GPC6: variants seen among roughly 807,000 people sequenced by gnomAD.
The protein encoded by GPC6 is glypican-6.
GPC6 carries 14 observed loss-of-function variants against 55.2 expected under a neutral mutation model. That is an observed-to-expected ratio of 0.25 (90% confidence interval 0.17 to 0.40). The LOEUF (loss-of-function observed/expected upper bound fraction) is 0.40. GPC6 is among the 10% of genes least tolerant of loss of function. GPC6 has a pLI of 1.00. For missense variants in GPC6, 641 were observed against 708.5 expected, an observed-to-expected ratio of 0.90 and a Z score of 1.08; for synonymous variants, 278 against 259.6, an observed-to-expected ratio of 1.07 and a Z score of -0.68.
rs1366676864 is a variant in GPC6 at position 93,493,661 on chromosome 13, G to A, written c.161-51602G>A. On this transcript the variant is annotated intron_variant, in intron 1 of 8. Transcript: ENST00000377047. ...TCCTGCTTTCTCTTGTGGGCATTTA[G>A]TGCTATAAATTTCCCTCTACACACT... Among the ~76,000 whole-genome samples, 3 of 138,914 alleles carry A rather than the reference G, an allele frequency of 2.2e-5. No individual in the cohort carries two copies. In the East Asian group the frequency reaches 6.9e-4, roughly 32 times the overall value. The allele number at this position is 138,914 out of a possible 152,430, so 91.1% of individuals were successfully genotyped here.
chr13:93,242,264 T>C (rs1339903172), intron 1 of GPC6, among the ~76,000 whole-genome samples: 1 of 152,108 alleles, frequency 6.6e-6, no homozygotes, highest in Non-Finnish European at 1.5e-5. Flanking sequence ...GAGGTCTTCA[T>C]AGGTGAAAGG....
At chr13:93,982,853 T>TC (rs1266917625) in intron 3 of GPC6, among the ~76,000 whole-genome samples, 1 of 152,156 alleles carries the variant, frequency 6.6e-6, no homozygotes, top group Non-Finnish European at 1.5e-5. Flanking sequence ...CAGCTCTACT[T>TC]CCCATAGCTA....
At chr13:93,552,651 C>T (rs9516255) in intron 2 of GPC6, among the ~76,000 whole-genome samples, 27,553 of 152,100 alleles carry the variant, frequency 0.18, 2,889 homozygotes, top group East Asian at 0.3. Context: ...ACATTATGCT[C>T]CCAGTGTGGT....
intron 1 of GPC6, among the ~76,000 whole-genome samples, chr13:93,482,058 C>T (rs142765185): frequency 9.6e-4 from 146 of 152,240 alleles, no homozygotes; most frequent in African/African-American, 3.4e-3. Flanking sequence ...GATGTCTTTA[C>T]ACTTATTTAG....
chr13:93,329,146 A>G (rs1879754703), intron 1 of GPC6, among the ~76,000 whole-genome samples: 2 of 152,154 alleles, frequency 1.3e-5, no homozygotes, highest in Admixed American at 1.3e-4. Flanking sequence ...GCTATTGAAG[A>G]GTTTGTTTAT....
intron 6 of GPC6, among the ~76,000 whole-genome samples, chr13:94,339,668 C>T (rs182534569): frequency 6.7e-6 from 1 of 149,904 alleles, no homozygotes; most frequent in South Asian, 2.1e-4. Context: ...AGATGTAGTC[C>T]TTTGGCTCTA....
chr13:93,600,898 C>T (rs1055590045), intron 2 of GPC6, among the ~76,000 whole-genome samples: 2 of 135,914 alleles, frequency 1.5e-5, no homozygotes, highest in African/African-American at 5.6e-5. Context: ...TGCAGTGAGC[C>T]GAGATCACAC....
intron 2 of GPC6, among the ~76,000 whole-genome samples, chr13:93,746,912 G>A (rs373763196): frequency 9.8e-5 from 15 of 152,310 alleles, no homozygotes; most frequent in East Asian, 7.7e-4. Context: ...ACCATGGAAA[G>A]AAGCCTTACG....
intron 6 of GPC6, among the ~76,000 whole-genome samples, chr13:94,349,442 A>G (rs1878430983): frequency 1.3e-5 from 2 of 152,150 alleles, no homozygotes; most frequent in African/African-American, 4.8e-5. Flanking sequence ...AGAAACATCC[A>G]TCTCATCACA....
Position 94,113,796 on chromosome 13 carries a change from G to T in GPC6, c.877+85902G>T, listed in dbSNP as rs536532066. Among the ~76,000 whole-genome samples, 12 of 151,978 alleles carry T rather than the reference G, an allele frequency of 7.9e-5. No individual in the cohort carries two copies. The East Asian group carries it at 2.3e-3, about 30-fold the overall frequency. On this transcript the variant is annotated intron_variant, in intron 4 of 8. Transcript: ENST00000377047. The stretch of plus-strand genomic sequence containing the variant: ...AGCACTTTGGGAGCCTGAGGTGAGA[G>T]GATCACTTGAAGACAGGAGTTCTTG...
In GPC6 at chr13:93,240,828, A is replaced by C. The variant is rs1263569057; in HGVS notation, c.160+13212A>C. On this transcript the variant is annotated intron_variant, in intron 1 of 8. Coordinates refer to ENST00000377047, the MANE Select transcript of GPC6 (RefSeq NM_005708.5). ...TCCTTTGAGCATTTCTTATAGGTCC[A>C]GTCTAGTGGTGACAGATTCTCTCCG... 2.0e-5 allele frequency among the ~76,000 whole-genome samples: 3 copies of C among 152,148 alleles called. No homozygotes were observed. The East Asian group carries it at 5.8e-4, about 29-fold the overall frequency.
At chr13:93,627,242 G>C (rs551014631) in intron 2 of GPC6, among the ~76,000 whole-genome samples, 3 of 152,084 alleles carry the variant, frequency 2.0e-5, no homozygotes, top group African/African-American at 7.2e-5. Context: ...TTATGAGTGA[G>C]AACATGTGGT....
At chr13:93,346,105 G>T (rs1352230932) in intron 1 of GPC6, among the ~76,000 whole-genome samples, 1 of 152,140 alleles carries the variant, frequency 6.6e-6, no homozygotes, top group African/African-American at 2.4e-5. Flanking sequence ...CTGTTGCTAA[G>T]TAAATCACTG....
Position 94,348,748 on chromosome 13 carries a change from G to C in GPC6, c.1153-33666G>C, listed in dbSNP as rs754147774. On this transcript the variant is annotated intron_variant, in intron 6 of 8. Transcript: ENST00000377047. ...TCTGACACTGCTAATTTTATCTTTA[G>C]CTACTTTCTCATGCATACATCTTGA... 1.4e-3 allele frequency among the ~76,000 whole-genome samples: 208 copies of C among 152,066 alleles called. 5 individuals are homozygous for C. Among genetic ancestry groups the C allele is most frequent in the Non-Finnish European group, 5.4e-4 (37 of 68,010 alleles).
At chr13:93,847,315 A>G (rs193046739) in intron 3 of GPC6, among the ~76,000 whole-genome samples, 1 of 152,226 alleles carries the variant, frequency 6.6e-6, no homozygotes. Context: ...AACGAAATAA[A>G]TAAATGCCCA....
chr13:93,636,222 G>A (rs943979832), intron 2 of GPC6, among the ~76,000 whole-genome samples: 1 of 152,104 alleles, frequency 6.6e-6, no homozygotes, highest in African/African-American at 2.4e-5. Flanking sequence ...AGATAGTAGA[G>A]GTTATATAGC....
chr13:93,422,704 C>T (rs2139261611), intron 1 of GPC6, among the ~76,000 whole-genome samples: 1 of 152,246 alleles, frequency 6.6e-6, no homozygotes, highest in Non-Finnish European at 1.5e-5. Flanking sequence ...TAGGGTGATA[C>T]TTAACTGGTA....
intron 6 of GPC6, among the ~76,000 whole-genome samples, chr13:94,337,623 T>C (rs1296062874): frequency 6.6e-6 from 1 of 151,990 alleles, no homozygotes; most frequent in Non-Finnish European, 1.5e-5. Context: ...AATTTTTGTA[T>C]TTTAGGCAGA....
intron 6 of GPC6, among the ~76,000 whole-genome samples, chr13:94,329,480 T>C (rs903076749): frequency 2.0e-5 from 3 of 152,158 alleles, no homozygotes; most frequent in African/African-American, 7.2e-5. Context: ...AGAATCACGC[T>C]TTCATTTTCC....
Sources: gnomAD v4.1 joint callset for allele counts (sites outside exome capture counted in the v4.1 genomes callset) on GRCh38, gnomAD v4.1.1 for gene constraint, MANE v1.5 for transcripts, NCBI Gene and HGNC (gene_info 2026-07-23, HGNC 2026-07-21) for gene names.